Variants in NFASC observed in about 807,000 individuals in gnomAD.
NFASC encodes neurofascin.
NFASC carries 43 observed loss-of-function variants against 147.5 expected under a neutral mutation model. That is an observed-to-expected ratio of 0.29 (90% confidence interval 0.23 to 0.38). The LOEUF is 0.38. Among genes scored for constraint, NFASC ranks in the 10% least tolerant of loss-of-function variants. The pLI is 1.00. For synonymous variants in NFASC, 622 were observed against 665.5 expected (o/e 0.93, Z 1.01); for missense variants, 1,320 against 1,689.0 (o/e 0.78, Z 3.83).
chr1:205,011,738 C>T (rs1342093652), intron 28 of NFASC, among the ~76,000 whole-genome samples: 4 of 152,170 alleles, frequency 2.6e-5, no homozygotes, highest in East Asian at 1.9e-4. Context: ...CTCAACGGTT[C>T]GGTTTCCCTC....
At chr1:204,892,355 A>G (rs2082576292) in intron 1 of NFASC, among the ~76,000 whole-genome samples, 1 of 152,226 alleles carries the variant, frequency 6.6e-6, no homozygotes, top group Non-Finnish European at 1.5e-5. Context: ...GCTTAAAACA[A>G]CCATTTTATG....
intron 2 of NFASC, among the ~76,000 whole-genome samples, chr1:204,937,173 G>T (rs2092930716): frequency 6.6e-6 from 1 of 151,524 alleles, no homozygotes; most frequent in Admixed American, 6.6e-5. Context: ...AACACTTCTA[G>T]AGCAGTTTTA....
At chr1:204,830,669 G>GAGAGAGAGAC (rs1671969634) in intron 1 of NFASC, among the ~76,000 whole-genome samples, 1 of 149,010 alleles carries the variant, frequency 6.7e-6, no homozygotes, top group African/African-American at 2.5e-5. Flanking sequence ...GAGAGAGAGA[G>GAGAGAGAGAC]AGAGAGAGAA....
In NFASC at chr1:204,950,584, CTG is replaced by C; in HGVS notation, c.109+15_109+16del. On this transcript the variant is annotated intron_variant, in intron 4 of 29. Transcript: ENST00000339876. Reference sequence around the variant, plus strand: ...AGCATTCAGAATGAGCGTAAGTGCCCTGTGTGCCTCTCTGTGCCTCTGGGAGT... The same window carrying C: ...AGCATTCAGAATGAGCGTAAGTGCCCTGTGCCTCTCTGTGCCTCTGGGAGT... 6.2e-7 allele frequency: 1 copy of C among 1,612,052 alleles called. No individual in the cohort carries two copies. Among genetic ancestry groups the C allele is most frequent in the Non-Finnish European group, 8.5e-7 (1 of 1,178,942 alleles).
At chr1:204,835,213 CTTTTTTTTTTTTTT>C (rs1001302661) in intron 1 of NFASC, among the ~76,000 whole-genome samples, 29 of 80,590 alleles carry the variant, frequency 3.6e-4, no homozygotes, top group Non-Finnish European at 5.8e-4. Flanking sequence ...TGAGGTGGGT[CTTTTTTTTTTTTTT>C]TTTTTTTTTT....
chr1:204,836,211 T>G (rs1673753087), intron 1 of NFASC, among the ~76,000 whole-genome samples: 1 of 152,172 alleles, frequency 6.6e-6, no homozygotes, highest in East Asian at 1.9e-4. Flanking sequence ...TTATTCCAAC[T>G]AAGTCTGGTT....
chr1:204,980,315 C>G (rs376356608), intron 19 of NFASC, 55 bp from the exon 20 acceptor site: 1 of 1,441,300 alleles, frequency 6.9e-7, no homozygotes, highest in Non-Finnish European at 9.7e-7. Context: ...AGGTTCCTTA[C>G]CTTGCCCTGG....
intron 21 of NFASC, among the ~76,000 whole-genome samples, chr1:204,985,452 C>T (rs1054943255): frequency 2.0e-5 from 3 of 152,238 alleles, no homozygotes; most frequent in Non-Finnish European, 4.4e-5. Context: ...TACCTTTCAA[C>T]TGCTGCCTGC....
intron 5 of NFASC, among the ~76,000 whole-genome samples, chr1:204,953,587 C>T (rs1011563741): frequency 4.6e-5 from 7 of 152,340 alleles, no homozygotes; most frequent in Admixed American, 1.3e-4. Flanking sequence ...TGAGCCACCG[C>T]GCCCGGCCAA....
At position 204,846,954 on chromosome 1, in the gene NFASC, T is replaced by C. The variant is rs561875569; in HGVS notation, c.-200+18172T>C. Among the ~76,000 whole-genome samples, 194 of 109,460 alleles carry C rather than the reference T, an allele frequency of 1.8e-3. 1 individual carries two copies. Among genetic ancestry groups the C allele is most frequent in the African/African-American group, 5.5e-3 (161 of 29,352 alleles). The allele number at this position is 109,460 out of a possible 152,430, so 71.8% of individuals were successfully genotyped here. On this transcript the variant is annotated intron_variant, in intron 1 of 29. Coordinates refer to ENST00000339876, the MANE Select transcript of NFASC (RefSeq NM_001005388.3). ...ACTGCTGCCTGTGTGTGTGTACGCG[T>C]GTGTGTGTGTGTGTGTGTGTGTGTG...
intron 8 of NFASC, among the ~76,000 whole-genome samples, chr1:204,959,894 G>C (rs1246994884): frequency 1.3e-5 from 2 of 152,196 alleles, no homozygotes; most frequent in African/African-American, 4.8e-5. Context: ...TCATTTCTAG[G>C]TCCTCTATTC....
chr1:204,913,368 ACAAG>A (rs747806292), intron 1 of NFASC, among the ~76,000 whole-genome samples: 40 of 152,208 alleles, frequency 2.6e-4, no homozygotes, highest in African/African-American at 4.3e-4. Context: ...AAAAAAATTG[ACAAG>A]CAAGAGTAAG....
At chr1:204,951,266 A>G (rs2094101769) in intron 4 of NFASC, among the ~76,000 whole-genome samples, 1 of 148,776 alleles carries the variant, frequency 6.7e-6, no homozygotes, top group Middle Eastern at 3.6e-3. Flanking sequence ...CTCCTGCCTC[A>G]GCCTCCCGAG....
chr1:204,980,849 G>T (rs1251008719), intron 20 of NFASC, among the ~76,000 whole-genome samples: 1 of 152,112 alleles, frequency 6.6e-6, no homozygotes, highest in East Asian at 1.9e-4. Flanking sequence ...GTGGGAGCTG[G>T]GGAGAGACCA....
At position 205,009,602 on chromosome 1, in the gene NFASC, T is replaced by C. The variant is rs1219423610; in HGVS notation, c.3335T>C (p.Ile1112Thr). The change falls in exon 28 of 30, where the codon ATT becomes ACT. Residue 1112 changes from isoleucine to threonine, a missense_variant. Physicochemically the swap from Ile to Thr is moderately conservative, Grantham distance 89 (BLOSUM62 -1). Coordinates refer to ENST00000339876, the MANE Select transcript of NFASC (RefSeq NM_001005388.3). Reference protein sequence around the residue: ...QADIATQGWFIGLMCAIALLV... With the variant: ...QADIATQGWFTGLMCAIALLV... Reference sequence around the variant, plus strand: ...GACATCGCCACCCAGGGCTGGTTCATTGGGCTTATGTGCGCCATCGCCCTC... The same window carrying C: ...GACATCGCCACCCAGGGCTGGTTCACTGGGCTTATGTGCGCCATCGCCCTC... 9 of 1,614,206 alleles carry C rather than the reference T, an allele frequency of 5.6e-6. No individual in the cohort carries two copies. The highest frequency in any genetic ancestry group is 2.2e-5 in the East Asian group (1 of 44,876).
intron 27 of NFASC, among the ~76,000 whole-genome samples, chr1:205,007,217 A>T (rs2096135716): frequency 6.6e-6 from 1 of 151,386 alleles, no homozygotes; most frequent in Non-Finnish European, 1.5e-5. Flanking sequence ...ACATAGCAAG[A>T]CCCTGTCTTT....
chr1:204,968,266 A>G lies in NFASC; in HGVS notation c.724A>G (p.Arg242Gly). 6.2e-7 allele frequency: 1 copy of G among 1,614,128 alleles called. No homozygotes were observed. Among genetic ancestry groups the G allele is most frequent in the South Asian group, 1.1e-5 (1 of 91,084 alleles). The change falls in exon 9 of 30, where the codon AGA (arginine) becomes GGA (glycine). Residue 242 changes from arginine to glycine, a missense_variant. Transcript: ENST00000339876. This position sits in a 1 kb window ranked among gnomAD's most constrained non-coding sequence, Gnocchi z 5.4. ...TGTTTCAGCCCGAGGAGTTGCAGAA[A>G]GAACACCAAGCTTCATGTATCCCCA... ...KVLTTRGVAE[R>G]TPSFMYPQGT...
chr1:204,926,879 GC>G (rs2091695585), intron 2 of NFASC, among the ~76,000 whole-genome samples: 1 of 151,914 alleles, frequency 6.6e-6, no homozygotes, highest in African/African-American at 2.4e-5. Context: ...TTCGAGACCA[GC>G]CTGGTCAACA....
chr1:204,844,699 G>A (rs1676437364), intron 1 of NFASC, among the ~76,000 whole-genome samples: 1 of 152,140 alleles, frequency 6.6e-6, no homozygotes, highest in African/African-American at 2.4e-5. Context: ...AGAGGAGAGA[G>A]ACACGAATGG....
Sources: gnomAD v4.1 joint callset for allele counts (sites outside exome capture counted in the v4.1 genomes callset) on GRCh38, gnomAD v4.1.1 for gene constraint, Gnocchi (gnomAD v3.1) non-coding constraint, MANE v1.5 for transcripts, NCBI Gene and HGNC (gene_info 2026-07-23, HGNC 2026-07-21) for gene names.